Variants in SEMA3A observed in about 807,000 individuals in gnomAD.
SEMA3A encodes semaphorin-3A.
SEMA3A carries 29 observed loss-of-function variants against 97.9 expected under a neutral mutation model. The observed-to-expected ratio is 0.30, with a 90% CI of 0.22 to 0.40. The LOEUF (loss-of-function observed/expected upper bound fraction) is 0.40, where lower values mean the gene tolerates loss of function less well. Ranked by LOEUF, SEMA3A falls within the 10% of genes least tolerant of loss-of-function variation. SEMA3A has a pLI of 1.00. For missense variants in SEMA3A, 763 were observed against 951.3 expected (o/e 0.80, Z 2.60); for synonymous variants, 321 against 323.7 (o/e 0.99, Z 0.09).
intron 1 of SEMA3A, among the ~76,000 whole-genome samples, chr7:84,146,446 T>G (rs886495825): frequency 2.1e-5 from 3 of 145,832 alleles, no homozygotes; most frequent in African/African-American, 5.1e-5. Context: ...ATTGTGACTT[T>G]AATATTTCTC....
chr7:84,340,327 T>C (rs2115983718), intron 2 of SEMA3A, among the ~76,000 whole-genome samples: 1 of 152,280 alleles, frequency 6.6e-6, no homozygotes, highest in Non-Finnish European at 1.5e-5. Flanking sequence ...AAGATATTTT[T>C]CAACTCTAGT....
intron 2 of SEMA3A, among the ~76,000 whole-genome samples, chr7:84,344,251 A>G (rs929059205): frequency 6.6e-6 from 1 of 152,196 alleles, no homozygotes; most frequent in Non-Finnish European, 1.5e-5. Flanking sequence ...ATGTTGCATA[A>G]CAAGTAAGGG....
intron 2 of SEMA3A, among the ~76,000 whole-genome samples, chr7:84,322,665 A>C (rs547250083): frequency 2.6e-5 from 4 of 152,292 alleles, no homozygotes; most frequent in African/African-American, 9.6e-5. Flanking sequence ...GTGGAACTGC[A>C]AGTCATTTAA....
In SEMA3A at chr7:84,321,110, C is replaced by T. The variant is rs535604516; in HGVS notation, c.-168-13818G>A. The stretch of plus-strand genomic sequence containing the variant: ...CAGTTTTCGAAATTTTAGTTTACCT[C>T]GAAAAAATCAAGTGATTTGGACACA... On this transcript the variant is annotated intron_variant, in intron 2 of 3. Transcript: ENST00000424555. Among the ~76,000 whole-genome samples the T allele has an allele frequency of 6.8e-4, 104 of 152,114 alleles. No homozygotes were observed. The Middle Eastern group carries it at 0.017, about 25-fold the overall frequency.
At chr7:84,204,915 C>G (rs764165989) in intron 3 of SEMA3A, among the ~76,000 whole-genome samples, 8 of 152,086 alleles carry the variant, frequency 5.3e-5, no homozygotes, top group Non-Finnish European at 1.2e-4. Context: ...ACTCACTTGG[C>G]CAGATGTGCA....
At chr7:84,477,745 T>C (rs565768736) in intron 1 of SEMA3A, among the ~76,000 whole-genome samples, 1 of 152,286 alleles carries the variant, frequency 6.6e-6, no homozygotes, top group African/African-American at 2.4e-5. Flanking sequence ...TTAGCATATG[T>C]CTATCTCTGA....
chr7:84,126,724 C>T (rs144927461), intron 3 of SEMA3A, among the ~76,000 whole-genome samples: 2,915 of 152,120 alleles, frequency 0.019, 95 homozygotes, highest in African/African-American at 0.067. Context: ...TTCAATTATA[C>T]TTTTAGCCTT....
intron 15 of SEMA3A, among the ~76,000 whole-genome samples, chr7:83,971,702 C>A (rs921956539): frequency 2.6e-5 from 4 of 151,716 alleles, no homozygotes; most frequent in Non-Finnish European, 5.9e-5. Context: ...TGTGCTTAAC[C>A]CATTTACTAG....
chr7:84,034,138 C>T (rs1455362709), intron 6 of SEMA3A, among the ~76,000 whole-genome samples: 1 of 151,950 alleles, frequency 6.6e-6, no homozygotes, highest in Non-Finnish European at 1.5e-5. Flanking sequence ...CACATACCAC[C>T]ACACCTGGCT....
At position 84,060,484 on chromosome 7, in the gene SEMA3A, C is replaced by T; in HGVS notation, c.528G>A (p.Leu176=). ...RGKSPYDPKL[L]TASLLIDGEL... ...ACGCACCTATTAAAAGGGATGCTGT[C>T]AGCAGCTTAGGGTCATATGGACTCT... Residue 176 remains leucine (L), a synonymous_variant, in exon 5 of 17, where the codon CTG becomes CTA. Transcript: ENST00000265362. The T allele has an allele frequency of 6.3e-7, 1 of 1,587,316 alleles. No individual in the cohort carries two copies. The highest frequency in any genetic ancestry group is 2.3e-5 in the East Asian group (1 of 43,616).
chr7:83,959,119 C>A lies in SEMA3A; in HGVS notation c.*2252G>T, dbSNP rs147933856. On this transcript the variant is annotated 3_prime_UTR_variant, in exon 17 of 17. Coordinates refer to ENST00000265362, the MANE Select transcript of SEMA3A (RefSeq NM_006080.3). The stretch of plus-strand genomic sequence containing the variant: ...TGTTTGTGTAACTTTTAATTGAAGT[C>A]GAGACTTTTTTCTATTGTCATTTCA... The A allele has an allele frequency of 6.6e-6, 1 of 151,880 alleles. No individual in the cohort carries two copies. Among genetic ancestry groups the A allele is most frequent in the African/African-American group, 2.4e-5 (1 of 41,404 alleles). 9.4% of individuals were successfully genotyped at this position (151,880 alleles called of 1,614,324 possible).
Position 83,999,875 on chromosome 7 carries a change from A to G in SEMA3A, c.1452+2080T>C, listed in dbSNP as rs1790369423. On this transcript the variant is annotated intron_variant, in intron 12 of 16. Transcript: ENST00000265362. The stretch of plus-strand genomic sequence containing the variant: ...CGTTGGTAAAGGTTTTCTACTGGAG[A>G]ATAATATGGTGCAGAATCAGGATGA... 2.0e-5 allele frequency among the ~76,000 whole-genome samples: 3 copies of G among 152,024 alleles called. No homozygotes were observed. The South Asian group carries it at 6.2e-4, about 32-fold the overall frequency.
intron 6 of SEMA3A, among the ~76,000 whole-genome samples, chr7:84,030,941 T>C (rs549223515): frequency 6.6e-6 from 1 of 152,024 alleles, no homozygotes; most frequent in East Asian, 1.9e-4. Flanking sequence ...TTTGGAATAT[T>C]TGGATATTCA....
rs1169108797 is a variant in SEMA3A at position 84,095,347 on chromosome 7, T to TAATGCA, written c.453+15122_453+15123insTGCATT. 8.4e-3 allele frequency among the ~76,000 whole-genome samples: 263 copies of TAATGCA among 31,330 alleles called. 7 individuals are homozygous for TAATGCA. The highest frequency in any genetic ancestry group is 0.014 in the Non-Finnish European group (170 of 12,038). 20.6% of individuals were successfully genotyped at this position (31,330 alleles called of 152,430 possible). A position where few individuals can be genotyped will look rare whatever the true frequency, so the allele number is the denominator to read the frequency against. ...TTATATATATTATATATATTTTATATTTTTTATATACATATATATATATAT... is the reference window on the plus strand; with the variant it reads ...TTATATATATTATATATATTTTATATAATGCATTTTTATATACATATATATATATAT... On this transcript the variant is annotated intron_variant, in intron 4 of 16. Transcript: ENST00000265362.
intron 1 of SEMA3A, among the ~76,000 whole-genome samples, chr7:84,135,499 A>C (rs1009727420): frequency 6.6e-6 from 1 of 152,070 alleles, no homozygotes; most frequent in Non-Finnish European, 1.5e-5. Flanking sequence ...AAGTGAAATA[A>C]CTTGTCTATA....
intron 1 of SEMA3A, among the ~76,000 whole-genome samples, chr7:84,158,719 T>C (rs2116155284): frequency 6.6e-6 from 1 of 152,312 alleles, no homozygotes; most frequent in South Asian, 2.1e-4. Flanking sequence ...CAGAAGAAAT[T>C]AATTAAATGA....
intron 1 of SEMA3A, among the ~76,000 whole-genome samples, chr7:84,399,469 T>C (rs1272501442): frequency 1.3e-5 from 2 of 152,096 alleles, no homozygotes; most frequent in African/African-American, 4.8e-5. Context: ...GGAGAGCCTA[T>C]GCCACCCCTC....
chr7:84,191,649 A>G (rs1798041303), intron 1 of SEMA3A, among the ~76,000 whole-genome samples: 1 of 151,862 alleles, frequency 6.6e-6, no homozygotes, highest in South Asian at 2.1e-4. Flanking sequence ...ACTTTTTAAA[A>G]GAAGGATTTT....
intron 2 of SEMA3A, among the ~76,000 whole-genome samples, chr7:84,325,314 T>C (rs916069225): frequency 4.6e-5 from 7 of 152,050 alleles, no homozygotes; most frequent in African/African-American, 1.7e-4. Context: ...AACAATCAAA[T>C]TATGATTTTA....
Sources: gnomAD v4.1 joint callset for allele counts (sites outside exome capture counted in the v4.1 genomes callset) on GRCh38, gnomAD v4.1.1 for gene constraint, MANE v1.5 for transcripts, NCBI Gene and HGNC (gene_info 2026-07-23, HGNC 2026-07-21) for gene names.